AMPD2: variants seen among roughly 807,000 people sequenced by gnomAD.
AMPD2 encodes the protein adenosine monophosphate deaminase 2, also known as AMP deaminase 2.
Under a neutral mutation model 91.3 loss-of-function variants are expected in AMPD2, and 52 were observed. That is an observed-to-expected ratio of 0.57 (90% CI 0.46 to 0.72). The LOEUF (loss-of-function observed/expected upper bound fraction) is 0.72, where lower values mean the gene tolerates loss of function less well. Among genes scored for constraint, AMPD2 ranks in the 30% least tolerant of loss-of-function variants. The pLI is 0.00. For synonymous variants in AMPD2, 455 were observed against 456.4 expected, an observed-to-expected ratio of 1.00 and a Z score of 0.04; for missense variants, 822 against 1,122.3, an observed-to-expected ratio of 0.73 and a Z score of 3.82.
rs373586469 is a variant in AMPD2, at chr1:109,625,795, G to A, written c.353+3G>A. On this transcript the variant is annotated splice_donor_region_variant and intron_variant, in intron 4 of 18. Coordinates refer to ENST00000528667, the MANE Select transcript of AMPD2 (RefSeq NM_001368809.2). This position sits in a 1 kb window ranked among gnomAD's most constrained non-coding sequence, Gnocchi z 4.0. Reference sequence around the variant, plus strand: ...CGGCAGATCAGCCAGGATGTCAAGTGAGCCCGGCAGGCAGCTGCTTAGTCT... The same window carrying A: ...CGGCAGATCAGCCAGGATGTCAAGTAAGCCCGGCAGGCAGCTGCTTAGTCT... 1.2e-6 allele frequency: 2 copies of A among 1,613,970 alleles called. No individual in the cohort carries two copies. The highest frequency in any genetic ancestry group is 1.7e-6 in the Non-Finnish European group (2 of 1,179,998).
intron 2 of AMPD2, chr1:109,622,111 C>A: frequency 2.3e-6 from 1 of 428,668 alleles, no homozygotes; most frequent in Non-Finnish European, 4.7e-6. Flanking sequence ...ATCATGCCGA[C>A]TGCCCCCACC....
In AMPD2 at chr1:109,621,023, C is replaced by A; in HGVS notation, c.-153C>A. The A allele has an allele frequency of 6.3e-7, 1 of 1,590,216 alleles. No homozygotes were observed. Among genetic ancestry groups the A allele is most frequent in the Non-Finnish European group, 8.6e-7 (1 of 1,168,430 alleles). On this transcript the variant is annotated 5_prime_UTR_variant, in exon 2 of 19. Coordinates refer to ENST00000528667, the MANE Select transcript of AMPD2 (RefSeq NM_001368809.2). ...AGGTTGCCTAGACAACATGAGAAAT[C>A]GTGGCCAGGGCCTCTTCCGCCTGCG...
rs952574498 is a variant in AMPD2 at position 109,626,015 on chromosome 1, GAGTGAGAACAGCAC to G, written c.354-142_354-129del. 16 of 1,121,884 alleles carry G rather than the reference GAGTGAGAACAGCAC, an allele frequency of 1.4e-5. No homozygotes were observed. The African/African-American group carries it at 2.3e-4, about 16-fold the overall frequency. The allele number at this position is 1,121,884 out of a possible 1,614,324, so 69.5% of individuals were successfully genotyped here. A position where few individuals can be genotyped will look rare whatever the true frequency, so the allele number is the denominator to read the frequency against. On this transcript the variant is annotated intron_variant, in intron 4 of 18. Coordinates refer to ENST00000528667, the MANE Select transcript of AMPD2 (RefSeq NM_001368809.2). ...GGGTCTGCTTTCTCATCTCTAAAGT[GAGTGAGAACAGCAC>G]AGGGTTCTGCAGCTCTGCCTTTGAG...
In AMPD2 at chr1:109,621,202, C is replaced by G. The variant is rs141792341; in HGVS notation, c.27C>G (p.Gly9=). 1.9e-6 allele frequency: 3 copies of G among 1,608,882 alleles called. No individual in the cohort carries two copies. The highest frequency in any genetic ancestry group is 4.5e-5 in the East Asian group (2 of 44,672). The part of the protein sequence containing the change: MASYPSGS[G]KPKAKYPFKK... The stretch of plus-strand genomic sequence containing the variant: ...TGGCATCCTATCCATCTGGCTCTGG[C>G]AAGCCCAAGGCCAAATATCCCTTTA... The change falls in exon 2 of 19, where the codon GGC becomes GGG. Residue 9 remains glycine, a synonymous_variant. Coordinates refer to ENST00000528667, the MANE Select transcript of AMPD2 (RefSeq NM_001368809.2).
At position 109,630,957 on chromosome 1, in the gene AMPD2, G is replaced by A. The variant is rs1651201914; in HGVS notation, c.2283G>A (p.Trp761Ter). The change falls in exon 19 of 19, where the codon TGG (tryptophan) becomes TGA (stop). Residue 761 changes from tryptophan (W) to a stop codon, truncating the protein, a stop_gained. Coordinates refer to ENST00000528667, the MANE Select transcript of AMPD2 (RefSeq NM_001368809.2). LOFTEE classifies it high-confidence loss of function. The stretch of plus-strand genomic sequence containing the variant: ...GCTCCTTGCAGGTAAAGAGCCACTG[G>A]CTGGGACCCAACTATACCAAGGAAG... The part of the protein sequence containing the change: ...SGFSHKVKSH[W>*]LGPNYTKEGP... 6.2e-7 allele frequency: 1 copy of A among 1,613,986 alleles called. No homozygotes were observed. The highest frequency in any genetic ancestry group is 8.5e-7 in the Non-Finnish European group (1 of 1,180,040).
Position 109,625,416 on chromosome 1 carries a change from T to C in AMPD2, c.205T>C (p.Cys69Arg), listed in dbSNP as rs1266217668. Reference sequence around the variant, plus strand: ...CCTGCGCACGTCTATGGATGGCAAATGCAAGGAGATCGCCGAGGTATCACC... The same window carrying C: ...CCTGCGCACGTCTATGGATGGCAAACGCAAGGAGATCGCCGAGGTATCACC... ...LDLRTSMDGK[C>R]KEIAEELFTR... Residue 69 changes from cysteine (C) to arginine (R), a missense_variant, in exon 3 of 19, where the codon TGC becomes CGC. By Grantham distance (180) the Cys-to-Arg change is radical. This residue lies in a region of AMPD2 where 105 missense variants were observed against 125.0 expected (regional missense o/e 0.84). Coordinates refer to ENST00000528667, the MANE Select transcript of AMPD2 (RefSeq NM_001368809.2). This position sits in a 1 kb window ranked among gnomAD's most constrained non-coding sequence, Gnocchi z 4.0. 6.2e-7 allele frequency: 1 copy of C among 1,613,928 alleles called. No homozygotes were observed. Among genetic ancestry groups the C allele is most frequent in the South Asian group, 1.1e-5 (1 of 91,084 alleles).
rs1391881468 is a variant in AMPD2, at chr1:109,625,533, G to A, written c.222+100G>A. On this transcript the variant is annotated intron_variant, in intron 3 of 18. Coordinates refer to ENST00000528667, the MANE Select transcript of AMPD2 (RefSeq NM_001368809.2). The surrounding 1 kb of genome is among the most constrained non-coding windows in gnomAD (Gnocchi z 4.0). ...AAGCTGTCCCCTCACCTCACGCTTG[G>A]CTGTCTCCTGATCCTCAGCCTCTCC... The A allele has an allele frequency of 1.9e-6, 3 of 1,596,720 alleles. No individual in the cohort carries two copies. The highest frequency in any genetic ancestry group is 2.2e-5 in the South Asian group (2 of 89,106).
chr1:109,629,081 A>G, intron 13 of AMPD2, 28 bp from the exon 14 acceptor site: 1 of 1,610,954 alleles, frequency 6.2e-7, no homozygotes, highest in Non-Finnish European at 8.5e-7. Context: ...CCTGACTTGC[A>G]CATACCTGCA....
In AMPD2 at chr1:109,620,283, G is replaced by T; in HGVS notation, c.-263+5G>T. ...ACTCGGGCATCATGGCCTCAGGTGA[G>T]TGTGTGTACGTGTGTTGGAGGGAGG... On this transcript the variant is annotated splice_donor_5th_base_variant and intron_variant, in intron 1 of 18. Transcript: ENST00000528667. 6.2e-7 allele frequency: 1 copy of T among 1,614,014 alleles called. No individual in the cohort carries two copies. The highest frequency in any genetic ancestry group is 1.1e-5 in the South Asian group (1 of 91,084).
Position 109,630,244 on chromosome 1 carries a change from G to T in AMPD2, c.1995G>T (p.Leu665=), listed in dbSNP as rs757534934. The T allele has an allele frequency of 1.2e-6, 2 of 1,612,924 alleles. No individual in the cohort carries two copies. The highest frequency in any genetic ancestry group is 1.6e-4 in the Middle Eastern group (1 of 6,062). Residue 665 remains leucine, a synonymous_variant, in exon 17 of 19, where the codon CTG becomes CTT. Transcript: ENST00000528667. ...HGLLLRKAPV[L]QYLYYLAQIG... ...TGTTGCCTGCCCAGGCCCCCGTCCT[G>T]CAGTACCTGTACTACCTGGCCCAGA...
rs754326424 is a variant in AMPD2, at chr1:109,629,936, G to A, written c.1983+20G>A. 4 of 1,580,540 alleles carry A rather than the reference G, an allele frequency of 2.5e-6. No individual in the cohort carries two copies. The highest frequency in any genetic ancestry group is 3.4e-6 in the Non-Finnish European group (4 of 1,159,632). On this transcript the variant is annotated intron_variant, in intron 16 of 18. Transcript: ENST00000528667. ...CGCAAGGTCAGGATCTGCACCCCTA[G>A]CCTTCCCTCCCAATTGTTCACCTTC...
chr1:109,625,689 A>G lies in AMPD2; in HGVS notation c.250A>G (p.Ser84Gly). Residue 84 changes from serine to glycine, a missense_variant, in exon 4 of 19, where the codon AGC becomes GGC. Around this residue, in one of 5 missense-constraint regions of AMPD2, gnomAD observed 105 missense variants for 125.0 expected, o/e 0.84. Transcript: ENST00000528667. The surrounding 1 kb of genome is among the most constrained non-coding windows in gnomAD (Gnocchi z 4.0). ...EELFTRSLAE[S>G]ELRSAPYEFP... is the part of the protein sequence containing the mutation. ...GCTGTTCACCCGCTCACTGGCTGAGAGCGAGCTCCGTAGTGCCCCGTATGA... is the reference window on the plus strand; with the variant it reads ...GCTGTTCACCCGCTCACTGGCTGAGGGCGAGCTCCGTAGTGCCCCGTATGA... 6.2e-7 allele frequency: 1 copy of G among 1,614,080 alleles called. No individual in the cohort carries two copies. The highest frequency in any genetic ancestry group is 8.5e-7 in the Non-Finnish European group (1 of 1,180,002).
Position 109,625,234 on chromosome 1 carries a change from A to G in AMPD2, c.92-69A>G. ...GGCTCTCTCGGGAGCTGGCCTAGGC[A>G]GGGCAGGGGCCCAGGGCTTTCAGGG... On this transcript the variant is annotated intron_variant, in intron 2 of 18. Transcript: ENST00000528667. The surrounding 1 kb of genome is among the most constrained non-coding windows in gnomAD (Gnocchi z 4.0). 1.3e-6 allele frequency: 2 copies of G among 1,577,512 alleles called. No individual in the cohort carries two copies. Among genetic ancestry groups the G allele is most frequent in the Non-Finnish European group, 1.7e-6 (2 of 1,159,698 alleles).
chr1:109,630,862 C>T (rs1651187035), intron 18 of AMPD2, 69 bp downstream of exon 18: 1 of 1,597,746 alleles, frequency 6.3e-7, no homozygotes, highest in Non-Finnish European at 8.5e-7. Context: ...GGGGTCCTGA[C>T]CTGTCCCTGG....
At position 109,626,800 on chromosome 1, in the gene AMPD2, C is replaced by A; in HGVS notation, c.606C>A (p.Ala202=). ...RALFIREKYM[A]LSLQSFCPTT... ...TCTTCATCCGGGAGAAGTACATGGCCCTGTCCCTGCAGAGCTTCTGCCCCA... is the reference window on the plus strand; with the variant it reads ...TCTTCATCCGGGAGAAGTACATGGCACTGTCCCTGCAGAGCTTCTGCCCCA... Residue 202 remains alanine, a synonymous_variant, in exon 7 of 19, where the codon GCC becomes GCA. Transcript: ENST00000528667. The A allele has an allele frequency of 6.2e-7, 1 of 1,613,852 alleles. No homozygotes were observed. Among genetic ancestry groups the A allele is most frequent in the Non-Finnish European group, 8.5e-7 (1 of 1,179,902 alleles).
rs1650101742 is a variant in AMPD2, at chr1:109,619,865, G to A, written c.-676G>A. On this transcript the variant is annotated 5_prime_UTR_variant, in exon 1 of 19. Transcript: ENST00000528667. ...GGCCGCAGAGCCTGGCGCGGAGCCG[G>A]CGAGATTTTGGTGGGGTCTCACCTG... The A allele has an allele frequency of 5.0e-6, 1 of 200,718 alleles. No homozygotes were observed. Among genetic ancestry groups the A allele is most frequent in the Non-Finnish European group, 1.1e-5 (1 of 94,254 alleles). The allele number at this position is 200,718 out of a possible 1,614,324, so 12.4% of individuals were successfully genotyped here.
intron 2 of AMPD2, chr1:109,623,994 C>T (rs1436000807): frequency 3.0e-6 from 3 of 985,538 alleles, no homozygotes; most frequent in Non-Finnish European, 3.6e-6. Flanking sequence ...CTTGGTACAG[C>T]CTGTGCCAGC....
Position 109,620,026 on chromosome 1 carries a change from G to A in AMPD2, c.-515G>A. 1.8e-6 allele frequency: 1 copy of A among 551,696 alleles called. No individual in the cohort carries two copies. Among genetic ancestry groups the A allele is most frequent in the Non-Finnish European group, 3.3e-6 (1 of 303,978 alleles). 34.2% of individuals were successfully genotyped at this position (551,696 alleles called of 1,614,324 possible). A position where few individuals can be genotyped will look rare whatever the true frequency, so the allele number is the denominator to read the frequency against. ...CTACCAGCCTCTCGATTGCAGGGTTGGGTGGTCGCGACACCGGGGTCGCCT... is the reference window on the plus strand; with the variant it reads ...CTACCAGCCTCTCGATTGCAGGGTTAGGTGGTCGCGACACCGGGGTCGCCT... On this transcript the variant is annotated 5_prime_UTR_variant, in exon 1 of 19. Coordinates refer to ENST00000528667, the MANE Select transcript of AMPD2 (RefSeq NM_001368809.2).
chr1:109,630,456 GTCTCCCGGGTTGGGT>G, intron 17 of AMPD2, 50 bp downstream of exon 17: 1 of 1,437,348 alleles, frequency 7.0e-7, no homozygotes. Context: ...GGACGCTGGG[GTCTCCCGGGTTGGGT>G]GGGGGGCGGT....
Sources: allele counts gnomAD v4.1 joint callset, GRCh38; gene constraint gnomAD v4.1.1; regional missense constraint gnomAD v4.1.1; non-coding constraint Gnocchi (gnomAD v3.1); transcripts MANE v1.5; gene names NCBI Gene and HGNC (gene_info 2026-07-23, HGNC 2026-07-21).